Variants in JAK3 observed in about 807,000 individuals in gnomAD.
JAK3 encodes the protein tyrosine-protein kinase JAK3.
JAK3 carries 88 observed loss-of-function variants against 120.8 expected under a neutral mutation model. That is an observed-to-expected ratio of 0.73 (90% confidence interval 0.61 to 0.87). JAK3 has a LOEUF of 0.87. Ranked by LOEUF, JAK3 falls within the 40% of genes least tolerant of loss-of-function variation. The pLI, the probability that JAK3 is intolerant of heterozygous loss-of-function variation, is 0.00. For synonymous variants in JAK3, 592 were observed against 628.6 expected (o/e 0.94, Z 0.87); for missense variants, 1,254 against 1,501.4 (o/e 0.84, Z 2.72).
chr19:17,835,629 C>T (rs1042579528), intron 14 of JAK3, among the ~76,000 whole-genome samples: 7 of 152,098 alleles, frequency 4.6e-5, no homozygotes, highest in African/African-American at 1.7e-4. Context: ...GCCTGACATT[C>T]CTTCCTTCCT....
chr19:17,844,460 T>C (rs1464367321), intron 1 of JAK3, 30 bp from the exon 2 acceptor site: 1 of 1,571,150 alleles, frequency 6.4e-7, no homozygotes, highest in Non-Finnish European at 8.6e-7. Context: ...AGCCCCTCAG[T>C]CCTGGTCAGA....
chr19:17,836,427 C>A (rs577869977), intron 13 of JAK3, among the ~76,000 whole-genome samples: 13 of 152,252 alleles, frequency 8.5e-5, no homozygotes, highest in Non-Finnish European at 1.3e-4. Context: ...GAACTACAGG[C>A]GCATGCCACC....
At chr19:17,829,868 T>C (rs561120768) in intron 23 of JAK3, 2 of 599,550 alleles carry the variant, frequency 3.3e-6, no homozygotes, top group East Asian at 2.8e-5. Flanking sequence ...TTCAGGAGTC[T>C]AATCTTCCCT....
chr19:17,829,158 G>GTTTATTTA (rs3212785), intron 23 of JAK3, among the ~76,000 whole-genome samples: 2 of 151,620 alleles, frequency 1.3e-5, no homozygotes, highest in Admixed American at 6.6e-5. Flanking sequence ...TTATTTGTTT[G>GTTTATTTA]TTTATTTATT....
chr19:17,826,808 C>T lies in JAK3; in HGVS notation c.3310G>A (p.Gly1104Arg). The T allele has an allele frequency of 6.2e-7, 1 of 1,614,096 alleles. No homozygotes were observed. Among genetic ancestry groups the T allele is most frequent in the Non-Finnish European group, 8.5e-7 (1 of 1,180,010 alleles). The stretch of plus-strand genomic sequence containing the variant: ...GCAGTGAAGGCATGAGTCTCACACC[C>T]CCGGCTTCCGCTCCACAGCATGTCC... ...QLDMLWSGSR[G>R]CETHAFTAHP... The change falls in exon 24 of 24, where the codon GGG becomes AGG. Residue 1104 changes from glycine to arginine, a missense_variant. By Grantham distance (125) the Gly-to-Arg change is moderately radical. Around this residue, in one of 3 missense-constraint regions of JAK3, gnomAD observed 630 missense variants for 819.8 expected, o/e 0.77. Coordinates refer to ENST00000458235, the MANE Select transcript of JAK3 (RefSeq NM_000215.4).
chr19:17,841,423 C>G lies in JAK3; in HGVS notation c.1108G>C (p.Glu370Gln). 1 of 1,553,550 alleles carries G rather than the reference C, an allele frequency of 6.4e-7. No homozygotes were observed. Among genetic ancestry groups the G allele is most frequent in the Non-Finnish European group, 8.7e-7 (1 of 1,148,718 alleles). ...CKEVAPPRLL[E>Q]EVAEQCHGPI... is the part of the protein sequence containing the mutation. Reference sequence around the variant, plus strand: ...CCGTGGCACTGCTCGGCCACTTCCTCCAGCAGCCTCGGCGGTGCCACCTCC... The same window carrying G: ...CCGTGGCACTGCTCGGCCACTTCCTGCAGCAGCCTCGGCGGTGCCACCTCC... The change falls in exon 8 of 24, where the codon GAG becomes CAG. Residue 370 changes from glutamate (E) to glutamine (Q), a missense_variant. Glu to Gln is a conservative substitution (Grantham distance 29, BLOSUM62 2). Transcript: ENST00000458235. The surrounding 1 kb of genome is among the most constrained non-coding windows in gnomAD (Gnocchi z 4.1).
chr19:17,844,760 G>A (rs1438439436), intron 1 of JAK3, among the ~76,000 whole-genome samples: 2 of 146,730 alleles, frequency 1.4e-5, no homozygotes, highest in Admixed American at 6.9e-5. Context: ...TTGTACCACT[G>A]CACTCCAGCC....
At chr19:17,845,671 C>T (rs1371564822) in intron 1 of JAK3, among the ~76,000 whole-genome samples, 1 of 152,132 alleles carries the variant, frequency 6.6e-6, no homozygotes, top group East Asian at 1.9e-4. Context: ...ATGCCTTCAG[C>T]TCTGCAAGTT....
intron 1 of JAK3, among the ~76,000 whole-genome samples, 158 bp downstream of exon 1, chr19:17,847,788 C>A (rs1458715005): frequency 6.6e-6 from 1 of 152,206 alleles, no homozygotes; most frequent in African/African-American, 2.4e-5. Context: ...TCGGAGGATG[C>A]GAGTCTCGGC....
chr19:17,828,872 G>C (rs199509574), intron 23 of JAK3, among the ~76,000 whole-genome samples: 3 of 152,158 alleles, frequency 2.0e-5, no homozygotes, highest in East Asian at 1.9e-4. Flanking sequence ...AACCATGAGA[G>C]GGTGGGATGT....
In JAK3 at chr19:17,842,324, C is replaced by A. The variant is rs1568406966; in HGVS notation, c.853G>T (p.Glu285Ter). 6.4e-7 allele frequency: 1 copy of A among 1,556,698 alleles called. No homozygotes were observed. The highest frequency in any genetic ancestry group is 8.7e-7 in the Non-Finnish European group (1 of 1,155,656). Residue 285 changes from glutamate (E) to a stop codon, truncating the protein, a stop_gained, in exon 6 of 24, where the codon GAA becomes TAA. Transcript: ENST00000458235. LOFTEE classifies it high-confidence loss of function. The surrounding 1 kb of genome is among the most constrained non-coding windows in gnomAD (Gnocchi z 6.4). ...GDGGIAWTQG[E>*]QEVLQPFCDF... ...GGGGAGTCCGCCCTCACCTCCTGTT[C>A]TCCCTGGGTCCAGGCGATGCCGCCG...
At chr19:17,828,150 C>G (rs1360429043) in intron 23 of JAK3, among the ~76,000 whole-genome samples, 4 of 152,170 alleles carry the variant, frequency 2.6e-5, no homozygotes, top group Non-Finnish European at 5.9e-5. Flanking sequence ...GTAAGAGGCC[C>G]TCTTTGACCA....
chr19:17,825,543 G>A lies in JAK3; in HGVS notation c.*1200C>T. 1 of 200,816 alleles carries A rather than the reference G, an allele frequency of 5.0e-6. No individual in the cohort carries two copies. Among genetic ancestry groups the A allele is most frequent in the Non-Finnish European group, 1.0e-5 (1 of 97,450 alleles). 12.4% of individuals were successfully genotyped at this position (200,816 alleles called of 1,614,324 possible). A position where few individuals can be genotyped will look rare whatever the true frequency, so the allele number is the denominator to read the frequency against. Reference sequence around the variant, plus strand: ...AGGCAGAGTCCCAGCCACAGCAACTGCTCTTGTCCTTGGCTTCCTCCAGAG... The same window carrying A: ...AGGCAGAGTCCCAGCCACAGCAACTACTCTTGTCCTTGGCTTCCTCCAGAG... On this transcript the variant is annotated 3_prime_UTR_variant, in exon 24 of 24. Transcript: ENST00000458235.
At chr19:17,829,487 G>A (rs2094209807) in intron 23 of JAK3, among the ~76,000 whole-genome samples, 1 of 151,508 alleles carries the variant, frequency 6.6e-6, no homozygotes, top group Non-Finnish European at 1.5e-5. Context: ...GCCAGGCATG[G>A]TGATGTACAC....
Position 17,842,752 on chromosome 19 carries a change from G to C in JAK3, c.567-142C>G. Reference sequence around the variant, plus strand: ...AGGCACACACAGACTCTCATTCAGGGTCAGGTATGAGGACCGGACCTCAGA... The same window carrying C: ...AGGCACACACAGACTCTCATTCAGGCTCAGGTATGAGGACCGGACCTCAGA... On this transcript the variant is annotated intron_variant, in intron 5 of 23. Coordinates refer to ENST00000458235, the MANE Select transcript of JAK3 (RefSeq NM_000215.4). The surrounding 1 kb of genome is among the most constrained non-coding windows in gnomAD (Gnocchi z 6.4). The C allele has an allele frequency of 1.0e-6, 1 of 976,376 alleles. No individual in the cohort carries two copies. Among genetic ancestry groups the C allele is most frequent in the Non-Finnish European group, 1.5e-6 (1 of 674,056 alleles). The allele number at this position is 976,376 out of a possible 1,614,324, so 60.5% of individuals were successfully genotyped here.
Position 17,826,978 on chromosome 19 carries a change from G to A in JAK3, c.3208-68C>T, listed in dbSNP as rs886233091. 1.1e-5 allele frequency: 17 copies of A among 1,539,400 alleles called. No individual in the cohort carries two copies. In the East Asian group the frequency reaches 3.2e-4, roughly 29 times the overall value. ...CCAAAGGACACAACTCCCATTCAGC[G>A]TATTTGTTTTTGTTTTTTTGAGACG... On this transcript the variant is annotated intron_variant, in intron 23 of 23. Transcript: ENST00000458235.
In JAK3 at chr19:17,837,143, C is replaced by T. The variant is rs779480606; in HGVS notation, c.1772G>A (p.Cys591Tyr). 32 of 1,555,636 alleles carry T rather than the reference C, an allele frequency of 2.1e-5. No individual in the cohort carries two copies. Among genetic ancestry groups the T allele is most frequent in the Non-Finnish European group, 2.3e-5 (27 of 1,150,300 alleles). The change falls in exon 13 of 24, where the codon TGC becomes TAC. Residue 591 changes from cysteine to tyrosine, a missense_variant. Transcript: ENST00000458235. ...YRHLVLLHGV[C>Y]MAGDSTMVQE... ...GGGGCTCTCACTGTCTCCAGCCATG[C>T]ACACGCCGTGGAGCAGCACGAGATG...
chr19:17,829,415 T>C (rs992979558), intron 23 of JAK3, among the ~76,000 whole-genome samples: 8 of 152,088 alleles, frequency 5.3e-5, no homozygotes, highest in African/African-American at 1.9e-4. Flanking sequence ...CGCCTCAGCC[T>C]TCAAAAGTGC....
At chr19:17,847,016 G>A (rs1599884291) in intron 1 of JAK3, among the ~76,000 whole-genome samples, 2 of 152,238 alleles carry the variant, frequency 1.3e-5, no homozygotes, top group East Asian at 3.9e-4. Flanking sequence ...TCCTGCCTCA[G>A]CCTCCTGAGT....
Sources: allele counts gnomAD v4.1 joint callset (sites outside exome capture counted in the v4.1 genomes callset), GRCh38; gene constraint gnomAD v4.1.1; regional missense constraint gnomAD v4.1.1; non-coding constraint Gnocchi (gnomAD v3.1); transcripts MANE v1.5; gene names NCBI Gene and HGNC (gene_info 2026-07-23, HGNC 2026-07-21).